The following EDEM3 variants were observed in gnomAD, a reference collection of about 807,000 sequenced individuals.
The protein encoded by EDEM3 is ER degradation-enhancing alpha-mannosidase-like protein 3.
A neutral mutation model predicts 110.2 loss-of-function variants in EDEM3; 60 were observed. The observed-to-expected ratio is 0.54, with a 90% CI of 0.44 to 0.67. The LOEUF (loss-of-function observed/expected upper bound fraction) is 0.67, where lower values mean the gene tolerates loss of function less well. EDEM3 is among the 30% of genes least tolerant of loss of function. EDEM3 has a pLI of 0.00. For missense variants in EDEM3, 996 were observed against 1,121.0 expected (o/e 0.89, Z 1.59); for synonymous variants, 352 against 382.9 (o/e 0.92, Z 0.94).
intron 19 of EDEM3, among the ~76,000 whole-genome samples, chr1:184,699,836 G>C (rs1649520649): frequency 6.6e-6 from 1 of 151,870 alleles, no homozygotes; most frequent in Admixed American, 6.6e-5. Context: ...GCATGACAAT[G>C]AATTGGAACT....
chr1:184,719,330 AAATAC>A (rs1411119795), intron 10 of EDEM3, 85 bp from the exon 11 acceptor site: 1 of 1,519,624 alleles, frequency 6.6e-7, no homozygotes, highest in African/African-American at 1.4e-5. Flanking sequence ...AAATGTATAC[AAATAC>A]AATTCTGAAC....
chr1:184,732,181 AC>A (rs1193829876), intron 6 of EDEM3, among the ~76,000 whole-genome samples: 4 of 150,674 alleles, frequency 2.7e-5, no homozygotes, highest in South Asian at 2.1e-4. Context: ...ATTCCCCCCC[AC>A]CAAAAAAAAG....
At position 184,737,181 on chromosome 1, in the gene EDEM3, T is replaced by C. The variant is rs113230331; in HGVS notation, c.306-117A>G. On this transcript the variant is annotated intron_variant, in intron 3 of 19. Transcript: ENST00000318130. ...TAGTTTCTATAAATTAGTACTTCCA[T>C]GTATCTATAGTACAATGAAACCTAT... 13 of 837,796 alleles carry C rather than the reference T, an allele frequency of 1.6e-5. No homozygotes were observed. The Admixed American group carries it at 2.8e-4, about 18-fold the overall frequency. 51.9% of individuals were successfully genotyped at this position (837,796 alleles called of 1,614,324 possible).
chr1:184,723,418 T>C (rs1487365920), intron 8 of EDEM3, among the ~76,000 whole-genome samples: 1 of 152,004 alleles, frequency 6.6e-6, no homozygotes, highest in African/African-American at 2.4e-5. Flanking sequence ...AAAAAGAATT[T>C]ATTAAACCCA....
intron 2 of EDEM3, 134 bp from the exon 3 acceptor site, chr1:184,737,845 T>C: frequency 1.4e-6 from 1 of 722,448 alleles, no homozygotes; most frequent in Non-Finnish European, 2.1e-6. Context: ...CTGTGGAATC[T>C]TTTCAAAAAT....
chr1:184,748,706 G>A (rs1487924181), intron 2 of EDEM3, among the ~76,000 whole-genome samples: 2 of 152,192 alleles, frequency 1.3e-5, no homozygotes, highest in African/African-American at 2.4e-5. Context: ...TAACAATGAT[G>A]TTAGTGTATG....
At chr1:184,726,500 ATAAC>A in intron 6 of EDEM3, 111 bp from the exon 7 acceptor site, 1 of 1,168,950 alleles carries the variant, frequency 8.6e-7, no homozygotes, top group Non-Finnish European at 1.2e-6. Flanking sequence ...AATTCATAAA[ATAAC>A]TAAACACTGA....
intron 11 of EDEM3, 39 bp from the exon 12 acceptor site, chr1:184,717,662 T>G: frequency 6.7e-7 from 1 of 1,502,660 alleles, no homozygotes; most frequent in Non-Finnish European, 9.0e-7. Context: ...AAAAATGTGA[T>G]TAAATACACA....
intron 13 of EDEM3, among the ~76,000 whole-genome samples, chr1:184,714,873 T>C (rs1437826342): frequency 1.3e-5 from 2 of 152,210 alleles, no homozygotes; most frequent in Non-Finnish European, 2.9e-5. Flanking sequence ...TACAGTTAAG[T>C]ATGTGAAACT....
intron 1 of EDEM3, among the ~76,000 whole-genome samples, chr1:184,751,086 T>TA (rs1011751706): frequency 1.4e-5 from 2 of 138,796 alleles, no homozygotes; most frequent in African/African-American, 4.9e-5. Flanking sequence ...AATAACCACT[T>TA]AAAAACATTT....
intron 4 of EDEM3, 82 bp from the exon 5 acceptor site, chr1:184,734,725 G>A: frequency 2.3e-6 from 1 of 426,358 alleles, no homozygotes; most frequent in South Asian, 5.7e-5. Context: ...TTAAAAGTCA[G>A]TCTACTTTAA....
chr1:184,694,228 A>G lies in EDEM3; in HGVS notation c.2634T>C (p.Gly878=), dbSNP rs751204914. Residue 878 remains glycine (G), a synonymous_variant, in exon 20 of 20, where the codon GGT becomes GGC. Coordinates refer to ENST00000318130, the MANE Select transcript of EDEM3 (RefSeq NM_025191.4). ...GCTGGTTATCTAAATCTGTACATTC[A>G]CCATTAAGATTTGTAGTCTCATGGT... is the stretch of plus-strand genomic sequence containing the variant. The part of the protein sequence containing the change: ...TENHETTNLN[G]ECTDLDNQLQ... 27 of 1,613,298 alleles carry G rather than the reference A, an allele frequency of 1.7e-5. No individual in the cohort carries two copies. Among genetic ancestry groups the G allele is most frequent in the Non-Finnish European group, 2.2e-5 (26 of 1,179,642 alleles).
At chr1:184,725,948 C>A (rs1188328013) in intron 7 of EDEM3, among the ~76,000 whole-genome samples, 1 of 151,918 alleles carries the variant, frequency 6.6e-6, no homozygotes, top group South Asian at 2.1e-4. Flanking sequence ...CATAGTATTT[C>A]GTAAGACATT....
At chr1:184,752,548 T>A (rs1652825855) in intron 1 of EDEM3, among the ~76,000 whole-genome samples, 1 of 152,246 alleles carries the variant, frequency 6.6e-6, no homozygotes, top group Non-Finnish European at 1.5e-5. Flanking sequence ...ATAAATGATC[T>A]CAAAATTTGA....
chr1:184,703,455 C>G (rs761991668), intron 18 of EDEM3, among the ~76,000 whole-genome samples: 1 of 152,172 alleles, frequency 6.6e-6, no homozygotes, highest in Admixed American at 6.5e-5. Context: ...GGCATGATTA[C>G]ATTGTTTTAC....
intron 14 of EDEM3, 131 bp downstream of exon 14, chr1:184,712,302 T>C (rs1571365914): frequency 2.4e-6 from 2 of 836,316 alleles, no homozygotes; most frequent in Non-Finnish European, 3.6e-6. Context: ...AGAAAAAAAA[T>C]AGGAAAATGT....
rs535318698 is a variant in EDEM3, at chr1:184,690,611, A to C, written c.*3452T>G. On this transcript the variant is annotated 3_prime_UTR_variant, in exon 20 of 20. Transcript: ENST00000318130. ...TGCCCAGACTTTTACATCACAGTAC[A>C]TAGTTTCCCTTAGAAATATTGTATA... 6.5e-6 allele frequency: 1 copy of C among 152,720 alleles called. No homozygotes were observed. The highest frequency in any genetic ancestry group is 2.4e-5 in the African/African-American group (1 of 41,578). 9.5% of individuals were successfully genotyped at this position (152,720 alleles called of 1,614,324 possible).
chr1:184,738,352 C>G (rs1424975645), intron 2 of EDEM3, among the ~76,000 whole-genome samples: 1 of 152,120 alleles, frequency 6.6e-6, no homozygotes. Flanking sequence ...AGTAAATGAT[C>G]CAGAATTCAA....
chr1:184,715,620 G>A (rs1284666931), intron 13 of EDEM3, among the ~76,000 whole-genome samples: 1 of 152,072 alleles, frequency 6.6e-6, no homozygotes, highest in African/African-American at 2.4e-5. Context: ...TGTGACCTTA[G>A]GCAAGTTCCC....
Sources: gnomAD v4.1 joint callset for allele counts (sites outside exome capture counted in the v4.1 genomes callset) on GRCh38, gnomAD v4.1.1 for gene constraint, MANE v1.5 for transcripts, NCBI Gene and HGNC (gene_info 2026-07-23, HGNC 2026-07-21) for gene names.